The following TANC1 variants were observed in gnomAD, a reference collection of about 807,000 sequenced individuals.
TANC1 encodes the protein tetratricopeptide repeat, ankyrin repeat and coiled-coil containing 1.
TANC1 carries 77 observed loss-of-function variants against 149.7 expected under a neutral mutation model. That is an observed-to-expected ratio of 0.51 (90% CI 0.43 to 0.62). TANC1 has a LOEUF of 0.62. TANC1 is among the 20% of genes least tolerant of loss of function. The pLI, the probability that TANC1 is intolerant of heterozygous loss-of-function variation, is 0.00. For missense variants in TANC1, 1,985 were observed against 2,321.8 expected, an observed-to-expected ratio of 0.85 and a Z score of 2.98; for synonymous variants, 854 against 925.0, an observed-to-expected ratio of 0.92 and a Z score of 1.39.
chr2:159,087,021 A>T (rs777443579), intron 3 of TANC1, among the ~76,000 whole-genome samples: 26 of 152,004 alleles, frequency 1.7e-4, no homozygotes, highest in Non-Finnish European at 3.5e-4. Flanking sequence ...CTTGCCCAGC[A>T]TCCCAATCGT....
At chr2:159,050,227 C>T (rs138677067) in intron 2 of TANC1, among the ~76,000 whole-genome samples, 233 of 152,260 alleles carry the variant, frequency 1.5e-3, no homozygotes, top group African/African-American at 5.1e-3. Context: ...ACCTCAGCCC[C>T]GCAAAGTACT....
chr2:159,029,720 C>T (rs2039633755), intron 2 of TANC1, among the ~76,000 whole-genome samples: 1 of 152,048 alleles, frequency 6.6e-6, no homozygotes, highest in African/African-American at 2.4e-5. Flanking sequence ...CTTGCCACCA[C>T]ACCCAGTTAA....
chr2:159,152,101 G>T (rs983611095), intron 7 of TANC1, among the ~76,000 whole-genome samples: 3 of 152,198 alleles, frequency 2.0e-5, no homozygotes, highest in Non-Finnish European at 4.4e-5. Context: ...TGAGTTTTGT[G>T]TAGCAAATTT....
intron 1 of TANC1, among the ~76,000 whole-genome samples, chr2:158,997,572 G>T (rs2036247109): frequency 6.6e-6 from 1 of 152,104 alleles, no homozygotes; most frequent in Non-Finnish European, 1.5e-5. Flanking sequence ...TAGGTCTGGG[G>T]CATCTTGCAT....
chr2:159,219,166 A>G (rs2059531779), intron 20 of TANC1, 72 bp from the exon 21 acceptor site: 6 of 1,594,942 alleles, frequency 3.8e-6, no homozygotes, highest in African/African-American at 1.3e-5. Flanking sequence ...AAAGGTTGAG[A>G]AACCTGCCTG....
chr2:159,014,282 A>G (rs1242295928), intron 2 of TANC1, among the ~76,000 whole-genome samples: 5 of 152,220 alleles, frequency 3.3e-5, no homozygotes, highest in Non-Finnish European at 5.9e-5. Flanking sequence ...TCTTATGTGA[A>G]TGGCAGAGAA....
chr2:159,194,514 TTGGGGC>T, intron 17 of TANC1, 21 bp downstream of exon 17: 1 of 1,594,246 alleles, frequency 6.3e-7, no homozygotes, highest in Non-Finnish European at 8.6e-7. Context: ...GCCTGCTCTT[TTGGGGC>T]TGGGGCAGGG....
At chr2:159,086,737 A>G (rs1422745713) in intron 3 of TANC1, among the ~76,000 whole-genome samples, 1 of 152,192 alleles carries the variant, frequency 6.6e-6, no homozygotes, top group East Asian at 1.9e-4. Context: ...AAGGAAGGGG[A>G]AAAAACCGTT....
chr2:159,095,965 CT>C (rs1416925561), intron 3 of TANC1, among the ~76,000 whole-genome samples: 1 of 151,486 alleles, frequency 6.6e-6, no homozygotes, highest in South Asian at 2.1e-4. Flanking sequence ...TTCATTGTTT[CT>C]TTTTTTAAAA....
chr2:159,007,717 C>T (rs149749909), intron 2 of TANC1, among the ~76,000 whole-genome samples: 53 of 152,192 alleles, frequency 3.5e-4, no homozygotes, highest in East Asian at 9.7e-4. Flanking sequence ...TATTCCTGAA[C>T]GGAATGGTAA....
At chr2:159,094,563 T>C (rs2045885682) in intron 3 of TANC1, among the ~76,000 whole-genome samples, 1 of 152,180 alleles carries the variant, frequency 6.6e-6, no homozygotes, top group South Asian at 2.1e-4. Context: ...GCAGCCTAGC[T>C]CTGCCTTAAG....
At chr2:159,162,873 C>G (rs977959877) in intron 7 of TANC1, among the ~76,000 whole-genome samples, 1 of 152,276 alleles carries the variant, frequency 6.6e-6, no homozygotes, top group South Asian at 2.1e-4. Flanking sequence ...CCCACTCCCC[C>G]ACCCCCAGCA....
At chr2:159,009,782 G>A (rs982884113) in intron 2 of TANC1, among the ~76,000 whole-genome samples, 1 of 152,144 alleles carries the variant, frequency 6.6e-6, no homozygotes, top group East Asian at 1.9e-4. Flanking sequence ...AATGATAAAT[G>A]TTTGAGGTGT....
At chr2:158,998,083 AC>A (rs2036297680) in intron 1 of TANC1, among the ~76,000 whole-genome samples, 1 of 152,106 alleles carries the variant, frequency 6.6e-6, no homozygotes, top group African/African-American at 2.4e-5. Context: ...ACGTAGCAAG[AC>A]CCCATGTCTA....
At chr2:159,090,227 G>C (rs893041189) in intron 3 of TANC1, among the ~76,000 whole-genome samples, 2 of 152,128 alleles carry the variant, frequency 1.3e-5, no homozygotes, top group Non-Finnish European at 2.9e-5. Flanking sequence ...TACATATGTA[G>C]ATACACATAT....
At chr2:159,026,072 A>G (rs1023083841) in intron 2 of TANC1, among the ~76,000 whole-genome samples, 7 of 152,140 alleles carry the variant, frequency 4.6e-5, no homozygotes, top group Non-Finnish European at 1.0e-4. Flanking sequence ...GGCTAGGACT[A>G]CAGGGGTACC....
rs73967217 is a variant in TANC1 at position 159,187,061 on chromosome 2, C to T, written c.2742+37C>T. 7,122 of 1,608,820 alleles carry T rather than the reference C, an allele frequency of 4.4e-3. 256 individuals carry two copies. The African/African-American group carries it at 0.083, about 19-fold the overall frequency. On this transcript the variant is annotated intron_variant, in intron 16 of 26. Coordinates refer to ENST00000263635, the MANE Select transcript of TANC1 (RefSeq NM_033394.3). The stretch of plus-strand genomic sequence containing the variant: ...TCTGCACAGAGAGCCGGAGACCCAG[C>T]CCTGGCCGGCTGCTGGCCGTTCCTC...
chr2:159,135,296 A>G (rs933744571), intron 4 of TANC1, among the ~76,000 whole-genome samples: 3 of 152,264 alleles, frequency 2.0e-5, no homozygotes, highest in South Asian at 2.1e-4. Context: ...CTACTGCCCA[A>G]TAATCCATTG....
At chr2:159,177,770 T>G (rs971464830) in intron 13 of TANC1, among the ~76,000 whole-genome samples, 1 of 152,210 alleles carries the variant, frequency 6.6e-6, no homozygotes, top group African/African-American at 2.4e-5. Context: ...GGCAAAACTC[T>G]TCTTTGCTTT....
Sources: gnomAD v4.1 joint callset for allele counts (sites outside exome capture counted in the v4.1 genomes callset) on GRCh38, gnomAD v4.1.1 for gene constraint, MANE v1.5 for transcripts, NCBI Gene and HGNC (gene_info 2026-07-23, HGNC 2026-07-21) for gene names.